The following PDC variants were observed in gnomAD, a reference collection of about 807,000 sequenced individuals.
PDC encodes the protein 33 kDa phototransducing protein.
In PDC, 19 loss-of-function variants were observed where a neutral mutation model predicts 22.2. That is an observed-to-expected ratio of 0.86 (90% CI 0.60 to 1.26). The LOEUF (loss-of-function observed/expected upper bound fraction) is 1.26, where lower values mean the gene tolerates loss of function less well. PDC is among the 50% of genes most tolerant of loss of function. The pLI, the probability that PDC is intolerant of heterozygous loss-of-function variation, is 0.00. For missense variants in PDC, 274 were observed against 286.8 expected, an observed-to-expected ratio of 0.96 and a Z score of 0.32; for synonymous variants, 97 against 96.2, an observed-to-expected ratio of 1.01 and a Z score of -0.05.
rs1271595348 is a variant in PDC at position 186,446,581 on chromosome 1, G to C, written c.62-4C>G. On this transcript the variant is annotated splice_polypyrimidine_tract_variant and splice_region_variant and intron_variant, in intron 2 of 3. Transcript: ENST00000391997. ...TCATTTATTACTCCTTTGGGTCCTG[G>C]AATGAAATTAAAAATAAATTGTTTT... The C allele has an allele frequency of 2.0e-6, 3 of 1,491,686 alleles. No homozygotes were observed. Among genetic ancestry groups the C allele is most frequent in the Non-Finnish European group, 2.7e-6 (3 of 1,093,520 alleles). The allele number at this position is 1,491,686 out of a possible 1,614,324, so 92.4% of individuals were successfully genotyped here.
intron 1 of PDC, among the ~76,000 whole-genome samples, chr1:186,453,748 A>ATTT (rs1662398535): frequency 6.6e-6 from 1 of 152,188 alleles, no homozygotes; most frequent in South Asian, 2.1e-4. Context: ...ATTTTAAAGA[A>ATTT]CCTACTATGT....
intron 1 of PDC, among the ~76,000 whole-genome samples, 169 bp downstream of exon 1, chr1:186,460,886 AAGAG>A (rs1662568908): frequency 1.3e-5 from 2 of 152,342 alleles, no homozygotes; most frequent in Admixed American, 1.3e-4. Flanking sequence ...AAATCACTGA[AAGAG>A]AGAAGGATAC....
intron 1 of PDC, among the ~76,000 whole-genome samples, chr1:186,455,413 G>A (rs1407594628): frequency 6.6e-6 from 1 of 152,060 alleles, no homozygotes; most frequent in East Asian, 1.9e-4. Context: ...CATAGCTCCT[G>A]GTTCTGACTT....
At chr1:186,457,395 A>G (rs1662491641) in intron 1 of PDC, among the ~76,000 whole-genome samples, 1 of 152,298 alleles carries the variant, frequency 6.6e-6, no homozygotes, top group Admixed American at 6.5e-5. Context: ...TTTATGCCTC[A>G]TAACAATTAA....
At chr1:186,447,304 A>C (rs1400040916) in intron 2 of PDC, among the ~76,000 whole-genome samples, 1 of 152,040 alleles carries the variant, frequency 6.6e-6, no homozygotes, top group East Asian at 1.9e-4. Context: ...GCATACCACC[A>C]CGCCTGGCTG....
chr1:186,449,851 T>C (rs1662314489), intron 1 of PDC, among the ~76,000 whole-genome samples: 1 of 152,082 alleles, frequency 6.6e-6, no homozygotes, highest in South Asian at 2.1e-4. Flanking sequence ...ATATATGACG[T>C]AATATATGTT....
intron 1 of PDC, among the ~76,000 whole-genome samples, chr1:186,458,559 G>A (rs1427223927): frequency 2.0e-5 from 3 of 150,780 alleles, no homozygotes; most frequent in Non-Finnish European, 4.4e-5. Flanking sequence ...GTCCTCTTTG[G>A]CTGTCTTGCT....
intron 3 of PDC, 113 bp downstream of exon 3, chr1:186,446,313 T>G (rs867061701): frequency 3.9e-6 from 3 of 762,258 alleles, no homozygotes; most frequent in Middle Eastern, 2.8e-4. Context: ...TTTGCCAGCG[T>G]AAGCAATATT....
chr1:186,453,585 C>T (rs956755333), intron 1 of PDC, among the ~76,000 whole-genome samples: 1 of 152,160 alleles, frequency 6.6e-6, no homozygotes, highest in Non-Finnish European at 1.5e-5. Context: ...ACTGACTTCT[C>T]TCCTAGCATC....
At chr1:186,454,168 C>CTTTTTTTTTTT (rs397860509) in intron 1 of PDC, among the ~76,000 whole-genome samples, 24 of 94,230 alleles carry the variant, frequency 2.5e-4, no homozygotes, top group African/African-American at 5.2e-4. Flanking sequence ...TCTTTTCTTT[C>CTTTTTTTTTTT]TTTTTTTTTT....
chr1:186,444,074 C>G lies in PDC; in HGVS notation c.646G>C (p.Asp216His). Reference sequence around the variant, plus strand: ...TATTCATTTAGGAAAGACTCCACATCCCCAGCAAAAAATTCTTCAGCAAAC... The same window carrying G: ...TATTCATTTAGGAAAGACTCCACATGCCCAGCAAAAAATTCTTCAGCAAAC... ...EQFAEEFFAG[D>H]VESFLNEYGL... The change falls in exon 4 of 4, where the codon GAT becomes CAT. Residue 216 changes from aspartate to histidine, a missense_variant. Transcript: ENST00000391997. 1 of 1,613,666 alleles carries G rather than the reference C, an allele frequency of 6.2e-7. No homozygotes were observed. Among genetic ancestry groups the G allele is most frequent in the Non-Finnish European group, 8.5e-7 (1 of 1,179,646 alleles).
intron 1 of PDC, chr1:186,451,173 A>G (rs1026170518): frequency 5.3e-5 from 8 of 152,246 alleles, no homozygotes; most frequent in East Asian, 1.9e-4. Flanking sequence ...TGCAATCCCT[A>G]TCCAGAATCA....
At position 186,444,044 on chromosome 1, in the gene PDC, A is replaced by C. The variant is rs1662163236; in HGVS notation, c.676T>G (p.Leu226Val). Residue 226 changes from leucine to valine, a missense_variant, in exon 4 of 4, where the codon TTA becomes GTA. Physicochemically the swap from Leu to Val is conservative, Grantham distance 32. Transcript: ENST00000391997. The part of the protein sequence containing the change: ...DVESFLNEYG[L>V]LPEREVHVLE... Reference sequence around the variant, plus strand: ...ACATGTACCTCTCTTTCAGGTAGTAACCCATATTCATTTAGGAAAGACTCC... The same window carrying C: ...ACATGTACCTCTCTTTCAGGTAGTACCCCATATTCATTTAGGAAAGACTCC... 6.2e-7 allele frequency: 1 copy of C among 1,612,352 alleles called. No individual in the cohort carries two copies. The highest frequency in any genetic ancestry group is 1.3e-5 in the African/African-American group (1 of 74,884).
At chr1:186,458,624 C>T (rs1662516813) in intron 1 of PDC, among the ~76,000 whole-genome samples, 1 of 151,274 alleles carries the variant, frequency 6.6e-6, no homozygotes, top group Non-Finnish European at 1.5e-5. Context: ...GTACTCCTCC[C>T]TTTTTAACTC....
intron 1 of PDC, among the ~76,000 whole-genome samples, chr1:186,458,233 T>TC (rs1205628051): frequency 0.11 from 16,336 of 144,980 alleles, 1,293 homozygotes; most frequent in East Asian, 0.36. Context: ...ATTCTTTTTT[T>TC]TTTTTTTTTT....
Position 186,459,746 on chromosome 1 carries a change from G to A in PDC, c.-25+1313C>T, listed in dbSNP as rs932662701. Among the ~76,000 whole-genome samples the A allele has an allele frequency of 3.0e-3, 136 of 45,572 alleles. 2 individuals are homozygous for A. The highest frequency in any genetic ancestry group is 4.0e-3 in the Non-Finnish European group (105 of 26,528). The allele number at this position is 45,572 out of a possible 152,430, so 29.9% of individuals were successfully genotyped here. The stretch of plus-strand genomic sequence containing the variant: ...AGCAGGTACAATGGACAATATGTGT[G>A]TGTGTGTATATATATATATATATAT... On this transcript the variant is annotated intron_variant, in intron 1 of 3. Transcript: ENST00000391997.
chr1:186,446,043 T>G (rs556634180), intron 3 of PDC, among the ~76,000 whole-genome samples: 1 of 152,352 alleles, frequency 6.6e-6, no homozygotes, highest in East Asian at 1.9e-4. Flanking sequence ...ATAAAATTTT[T>G]AATAGTGATT....
intron 1 of PDC, among the ~76,000 whole-genome samples, chr1:186,454,135 A>G (rs1473715623): frequency 4.0e-5 from 6 of 151,156 alleles, no homozygotes; most frequent in African/African-American, 1.5e-4. Context: ...ACTGAATGTA[A>G]TAGAAGAGTC....
At chr1:186,458,251 T>TA (rs1662510134) in intron 1 of PDC, among the ~76,000 whole-genome samples, 1 of 149,052 alleles carries the variant, frequency 6.7e-6, no homozygotes, top group Non-Finnish European at 1.5e-5. Context: ...TTTTTTTTTT[T>TA]AGAAAGAAGG....
Sources: allele counts gnomAD v4.1 joint callset (sites outside exome capture counted in the v4.1 genomes callset), GRCh38; gene constraint gnomAD v4.1.1; transcripts MANE v1.5; gene names NCBI Gene and HGNC (gene_info 2026-07-23, HGNC 2026-07-21).